The following ZDHHC17 variants were observed in gnomAD, a reference collection of about 807,000 sequenced individuals.
ZDHHC17 encodes palmitoyltransferase ZDHHC17.
ZDHHC17 carries 40 observed loss-of-function variants against 90.3 expected under a neutral mutation model. The observed-to-expected ratio is 0.44, with a 90% CI of 0.34 to 0.58. The LOEUF (loss-of-function observed/expected upper bound fraction) is 0.58, where lower values mean the gene tolerates loss of function less well. ZDHHC17 is among the 20% of genes least tolerant of loss of function. ZDHHC17 has a pLI of 0.01. For synonymous variants in ZDHHC17, 235 were observed against 252.4 expected (o/e 0.93, Z 0.65); for missense variants, 614 against 780.8 (o/e 0.79, Z 2.55).
chr12:76,842,746 C>G (rs2137803233), intron 11 of ZDHHC17, among the ~76,000 whole-genome samples, 173 bp from the exon 12 acceptor site: 1 of 152,172 alleles, frequency 6.6e-6, no homozygotes, highest in Non-Finnish European at 1.5e-5. Flanking sequence ...GATTGCTACC[C>G]TGTATTCTTC....
intron 7 of ZDHHC17, among the ~76,000 whole-genome samples, chr12:76,821,770 A>G (rs1347616449): frequency 6.6e-6 from 1 of 152,170 alleles, no homozygotes; most frequent in Non-Finnish European, 1.5e-5. Context: ...ACTTTGATAC[A>G]TTTTATTCCT....
chr12:76,778,376 C>T (rs1416458646), intron 1 of ZDHHC17, among the ~76,000 whole-genome samples: 1 of 152,130 alleles, frequency 6.6e-6, no homozygotes, highest in East Asian at 1.9e-4. Flanking sequence ...TGCACCACCA[C>T]ACCCAGCGAA....
intron 1 of ZDHHC17, among the ~76,000 whole-genome samples, chr12:76,774,271 T>C (rs1194154291): frequency 9.3e-6 from 1 of 106,962 alleles, no homozygotes; most frequent in Non-Finnish European, 2.4e-5. Context: ...TGTGTGTGTA[T>C]GTGTATGTGT....
chr12:76,776,816 T>A (rs1362834604), intron 1 of ZDHHC17, among the ~76,000 whole-genome samples: 1 of 152,242 alleles, frequency 6.6e-6, no homozygotes, highest in Non-Finnish European at 1.5e-5. Flanking sequence ...ATTGGACAGC[T>A]TTGTTCTGGA....
intron 1 of ZDHHC17, among the ~76,000 whole-genome samples, chr12:76,774,286 G>GTATGTGTATGTGTA (rs1368268009): frequency 2.0e-5 from 3 of 151,688 alleles, no homozygotes; most frequent in Non-Finnish European, 4.4e-5. Flanking sequence ...ATGTGTATGT[G>GTATGTGTATGTGTA]TATGTGTGTA....
intron 7 of ZDHHC17, among the ~76,000 whole-genome samples, chr12:76,817,078 A>G (rs952299569): frequency 2.0e-5 from 3 of 152,114 alleles, no homozygotes; most frequent in Admixed American, 6.6e-5. Context: ...ATGAAGATTT[A>G]TGTAGTCTTG....
chr12:76,823,829 AT>A (rs1369653056), intron 8 of ZDHHC17, among the ~76,000 whole-genome samples: 3 of 152,158 alleles, frequency 2.0e-5, no homozygotes, highest in African/African-American at 7.2e-5. Context: ...TTTCAGCCCT[AT>A]AAGCTGAGAC....
At chr12:76,767,570 G>T (rs943473190) in intron 1 of ZDHHC17, among the ~76,000 whole-genome samples, 6 of 152,184 alleles carry the variant, frequency 3.9e-5, no homozygotes, top group Non-Finnish European at 7.3e-5. Flanking sequence ...TGGAGTCTGT[G>T]TGAGACTTCA....
intron 3 of ZDHHC17, among the ~76,000 whole-genome samples, chr12:76,808,683 A>G (rs1372356312): frequency 6.6e-6 from 1 of 152,190 alleles, no homozygotes; most frequent in Non-Finnish European, 1.5e-5. Flanking sequence ...GAGCTACCCA[A>G]GGTAGACCAT....
Position 76,805,413 on chromosome 12 carries a change from C to T in ZDHHC17, c.294C>T (p.Ala98=), listed in dbSNP as rs1255011406. 19 of 1,592,436 alleles carry T rather than the reference C, an allele frequency of 1.2e-5. No homozygotes were observed. The highest frequency in any genetic ancestry group is 1.4e-5 in the Non-Finnish European group (16 of 1,167,360). The change falls in exon 3 of 17, where the codon GCC becomes GCT. Residue 98 remains alanine, a synonymous_variant. Coordinates refer to ENST00000426126, the MANE Select transcript of ZDHHC17 (RefSeq NM_015336.4). ...KENVTLLHWA[A]INNRIDLVKY... is the part of the protein sequence containing the mutation. ...ATGTTACCCTCCTCCATTGGGCTGCCATCAATAACAGAATAGATTTAGTCA... is the reference window on the plus strand; with the variant it reads ...ATGTTACCCTCCTCCATTGGGCTGCTATCAATAACAGAATAGATTTAGTCA...
intron 9 of ZDHHC17, 53 bp downstream of exon 9, chr12:76,827,103 T>G (rs918715607): frequency 1.4e-6 from 2 of 1,478,750 alleles, no homozygotes; most frequent in African/African-American, 3.0e-5. Flanking sequence ...ATAATATAAT[T>G]TGTACTCTTG....
At chr12:76,810,405 G>C (rs1452923092) in intron 5 of ZDHHC17, among the ~76,000 whole-genome samples, 2 of 151,974 alleles carry the variant, frequency 1.3e-5, no homozygotes, top group African/African-American at 4.8e-5. Flanking sequence ...AACGTATTTT[G>C]TTAAAAGTAA....
chr12:76,842,993 T>A lies in ZDHHC17; in HGVS notation c.1329+12T>A. ...GCAGTACCTGTTTGGTAGTATTTTC[T>A]TCTTTGTTCTTCCCTCCCTTCTCTT... On this transcript the variant is annotated intron_variant, in intron 12 of 16. Transcript: ENST00000426126. The A allele has an allele frequency of 1.2e-6, 2 of 1,604,714 alleles. No individual in the cohort carries two copies. The highest frequency in any genetic ancestry group is 1.7e-6 in the Non-Finnish European group (2 of 1,174,020).
At chr12:76,818,353 A>T (rs1263438878) in intron 7 of ZDHHC17, among the ~76,000 whole-genome samples, 1 of 152,214 alleles carries the variant, frequency 6.6e-6, no homozygotes, top group Non-Finnish European at 1.5e-5. Context: ...TCTAATAGAA[A>T]CCATGTATTT....
At chr12:76,802,578 G>C (rs1363931442) in intron 2 of ZDHHC17, among the ~76,000 whole-genome samples, 1 of 151,866 alleles carries the variant, frequency 6.6e-6, no homozygotes, top group Non-Finnish European at 1.5e-5. Flanking sequence ...CTACTTAATG[G>C]TGTCCCACAG....
At chr12:76,846,893 A>C (rs1444901746) in intron 14 of ZDHHC17, among the ~76,000 whole-genome samples, 1 of 152,212 alleles carries the variant, frequency 6.6e-6, no homozygotes, top group African/African-American at 2.4e-5. Context: ...CCACCTTTTA[A>C]TACTTGTGTC....
intron 16 of ZDHHC17, 115 bp downstream of exon 16, chr12:76,849,585 G>A (rs1451645815): frequency 4.9e-6 from 3 of 615,844 alleles, no homozygotes; most frequent in Non-Finnish European, 8.3e-6. Flanking sequence ...TAAGATTTCT[G>A]TAGAAATAGC....
intron 3 of ZDHHC17, among the ~76,000 whole-genome samples, chr12:76,807,902 A>G (rs980439164): frequency 6.6e-6 from 1 of 152,240 alleles, no homozygotes; most frequent in African/African-American, 2.4e-5. Context: ...GAACATTTTC[A>G]GCATTATATA....
intron 1 of ZDHHC17, among the ~76,000 whole-genome samples, chr12:76,788,687 A>AGT (rs1952721230): frequency 3.1e-5 from 2 of 65,270 alleles, no homozygotes; most frequent in Admixed American, 4.4e-4. Flanking sequence ...TTGGAATCGC[A>AGT]ATTTTTTTTT....
Sources: allele counts gnomAD v4.1 joint callset (sites outside exome capture counted in the v4.1 genomes callset), GRCh38; gene constraint gnomAD v4.1.1; transcripts MANE v1.5; gene names NCBI Gene and HGNC (gene_info 2026-07-23, HGNC 2026-07-21).